SAMD5: variants seen among roughly 807,000 people sequenced by gnomAD.
SAMD5 encodes sterile alpha motif domain containing 5, also known as sterile alpha motif domain-containing protein 5.
SAMD5 carries 13 observed loss-of-function variants against 11.3 expected under a neutral mutation model. The ratio of observed to expected loss-of-function variants is 1.15; its 90% CI spans 0.75 to 1.83. The LOEUF (loss-of-function observed/expected upper bound fraction) is 1.83. SAMD5 is among the 40% of genes most tolerant of loss of function. The pLI is 0.00. For synonymous variants in SAMD5, 129 were observed against 111.3 expected (o/e 1.16, Z -1.00); for missense variants, 255 against 239.1 (o/e 1.07, Z -0.44).
chr6:147,562,060 T>C (rs956860430), intron 1 of SAMD5, among the ~76,000 whole-genome samples: 2 of 152,230 alleles, frequency 1.3e-5, no homozygotes, highest in Non-Finnish European at 2.9e-5. Flanking sequence ...TTTGTTTTTG[T>C]GGAATCAGAG....
intron 1 of SAMD5, among the ~76,000 whole-genome samples, chr6:147,656,839 T>C (rs115676588): frequency 0.011 from 1,642 of 152,138 alleles, 37 homozygotes; most frequent in African/African-American, 0.038. Flanking sequence ...TTGGTTTCTA[T>C]CCTAGCAATC....
At chr6:147,688,254 A>C (rs1426331069) in intron 1 of SAMD5, among the ~76,000 whole-genome samples, 1 of 151,920 alleles carries the variant, frequency 6.6e-6, no homozygotes, top group Non-Finnish European at 1.5e-5. Flanking sequence ...CTGTCACTTT[A>C]TACTGCCTCT....
the SAMD5 span, among the ~76,000 whole-genome samples, chr6:147,903,271 T>A: frequency 6.6e-6 from 1 of 152,248 alleles, no homozygotes; most frequent in Admixed American, 6.5e-5. Flanking sequence ...CCTCATTATA[T>A]GGATGGGGAA....
At chr6:147,760,865 T>A in the SAMD5 span, among the ~76,000 whole-genome samples, 2 of 152,206 alleles carry the variant, frequency 1.3e-5, no homozygotes, top group Admixed American at 1.3e-4. Context: ...ACAAAATTTT[T>A]AAAAATAGGT....
Position 147,619,150 on chromosome 6 carries a change from T to G in SAMD5, c.162+109763T>G, listed in dbSNP as rs141973140. ...CATCTCCCTCACCCCTGTATGTTTT[T>G]ATGCTGTGGGCAGGGCCGTGACGTG... is the stretch of plus-strand genomic sequence containing the variant. On this transcript the variant is annotated intron_variant, in intron 1 of 1. Transcript: ENST00000566741. Among the ~76,000 whole-genome samples, 755 of 152,344 alleles carry G rather than the reference T, an allele frequency of 5.0e-3. 1 individual carries two copies. The highest frequency in any genetic ancestry group is 0.024 in the Middle Eastern group (7 of 294).
chr6:147,615,364 T>A (rs1201340425), intron 1 of SAMD5, among the ~76,000 whole-genome samples: 1 of 152,214 alleles, frequency 6.6e-6, no homozygotes, highest in Non-Finnish European at 1.5e-5. Context: ...ATTAATGCCA[T>A]GTGAATAAAT....
the SAMD5 span, among the ~76,000 whole-genome samples, chr6:147,923,172 G>C: frequency 6.6e-6 from 1 of 152,180 alleles, no homozygotes; most frequent in African/African-American, 2.4e-5. Context: ...AAAACAACAT[G>C]TGAAGTTAAA....
intron 1 of SAMD5, among the ~76,000 whole-genome samples, chr6:147,700,363 G>A (rs1791235538): frequency 6.6e-6 from 1 of 152,148 alleles, no homozygotes; most frequent in African/African-American, 2.4e-5. Flanking sequence ...CTTGATCATA[G>A]AGCTGTTTTA....
At chr6:147,610,315 G>GA (rs1376769488) in intron 1 of SAMD5, among the ~76,000 whole-genome samples, 1 of 152,008 alleles carries the variant, frequency 6.6e-6, no homozygotes, top group Non-Finnish European at 1.5e-5. Flanking sequence ...AAAATAGGAG[G>GA]AAAAAAATGT....
chr6:147,947,080 C>T, the SAMD5 span, among the ~76,000 whole-genome samples: 65 of 152,260 alleles, frequency 4.3e-4, no homozygotes, highest in South Asian at 3.1e-3. Flanking sequence ...AACCTGATGT[C>T]GATTCCTTGC....
chr6:147,875,776 G>A, the SAMD5 span, among the ~76,000 whole-genome samples: 8 of 152,252 alleles, frequency 5.3e-5, no homozygotes, highest in Middle Eastern at 3.4e-3. Context: ...TTCCTTATGA[G>A]AATCCAGTGC....
At chr6:147,880,687 G>A in the SAMD5 span, among the ~76,000 whole-genome samples, 6 of 152,078 alleles carry the variant, frequency 3.9e-5, no homozygotes, top group Admixed American at 6.6e-5. Context: ...TGGTTTTAAT[G>A]TCCCAGCTTC....
chr6:147,649,678 C>G lies in SAMD5; in HGVS notation c.163-87639C>G, dbSNP rs371206754. Among the ~76,000 whole-genome samples, 179 of 152,144 alleles carry G rather than the reference C, an allele frequency of 1.2e-3. 6 individuals carry two copies. In the South Asian group the frequency reaches 0.035, roughly 30 times the overall value. On this transcript the variant is annotated intron_variant, in intron 1 of 1. Transcript: ENST00000566741. ...TGATGGCACATGCCTGTAGTCCTAC[C>G]TACTCTGGAGGCTGAGGCAAGAGAA...
chr6:147,545,754 GAC>G (rs1210292592), intron 1 of SAMD5, among the ~76,000 whole-genome samples: 3 of 152,042 alleles, frequency 2.0e-5, no homozygotes, highest in African/African-American at 7.3e-5. Flanking sequence ...ATAAAACACA[GAC>G]ACACACATAT....
rs79362785 is a variant in SAMD5, at chr6:147,635,906, G to C, written c.163-101411G>C. On this transcript the variant is annotated intron_variant, in intron 1 of 1. Coordinates refer to the SAMD5 transcript ENST00000566741. ...CCAATTCATGAGCTTGAGAATCAGT[G>C]TTTGATATTACAAGCTGCTGGGTTG... Among the ~76,000 whole-genome samples the C allele has an allele frequency of 5.8e-4, 89 of 152,328 alleles. 1 individual carries two copies. The East Asian group carries it at 0.016, about 28-fold the overall frequency.
At chr6:147,907,179 A>G in the SAMD5 span, among the ~76,000 whole-genome samples, 1 of 152,118 alleles carries the variant, frequency 6.6e-6, no homozygotes, top group South Asian at 2.1e-4. Flanking sequence ...CACTCTTGCA[A>G]TTGAGGTGGT....
chr6:147,757,934 A>C, the SAMD5 span, among the ~76,000 whole-genome samples: 3 of 152,182 alleles, frequency 2.0e-5, no homozygotes, highest in African/African-American at 7.2e-5. Flanking sequence ...TTGCAAGCCT[A>C]GTGAGTTTTT....
At chr6:147,776,855 T>G in the SAMD5 span, among the ~76,000 whole-genome samples, 1 of 152,208 alleles carries the variant, frequency 6.6e-6, no homozygotes, top group Non-Finnish European at 1.5e-5. Flanking sequence ...GGTCATTAAT[T>G]CCCAGGAATT....
intron 1 of SAMD5, among the ~76,000 whole-genome samples, chr6:147,666,486 C>G (rs924610529): frequency 6.6e-6 from 1 of 152,150 alleles, no homozygotes; most frequent in African/African-American, 2.4e-5. Context: ...GGCCCTTCCT[C>G]CTCAGCTCCC....
Sources: allele counts gnomAD v4.1 joint callset (sites outside exome capture counted in the v4.1 genomes callset), GRCh38; gene constraint gnomAD v4.1.1; transcripts MANE v1.5; gene names NCBI Gene and HGNC (gene_info 2026-07-23, HGNC 2026-07-21).